Variants in CTNNA1 observed in about 807,000 individuals in gnomAD.
CTNNA1 encodes the protein catenin alpha 1.
A neutral mutation model predicts 98.4 loss-of-function variants in CTNNA1; 37 were observed. The observed-to-expected ratio is 0.38, with a 90% CI of 0.29 to 0.49. The LOEUF is 0.49. CTNNA1 is among the 20% of genes least tolerant of loss of function. The pLI is 0.95. For missense variants in CTNNA1, 761 were observed against 1,147.2 expected, an observed-to-expected ratio of 0.66 and a Z score of 4.86; for synonymous variants, 404 against 413.2, an observed-to-expected ratio of 0.98 and a Z score of 0.27.
chr5:138,784,687 A>G (rs1755483413), intron 3 of CTNNA1, among the ~76,000 whole-genome samples: 1 of 152,208 alleles, frequency 6.6e-6, no homozygotes, highest in Admixed American at 6.5e-5. Context: ...AAGGCCAGAA[A>G]TCTGAAATCA....
At chr5:138,855,557 A>G (rs904584282) in intron 7 of CTNNA1, among the ~76,000 whole-genome samples, 2 of 152,268 alleles carry the variant, frequency 1.3e-5, no homozygotes, top group African/African-American at 4.8e-5. Context: ...CTTCCTTTTA[A>G]AAAGCTTAGA....
At chr5:138,860,668 A>C (rs990080328) in intron 7 of CTNNA1, among the ~76,000 whole-genome samples, 1 of 151,400 alleles carries the variant, frequency 6.6e-6, no homozygotes, top group African/African-American at 2.4e-5. Context: ...GCTAGTTTTT[A>C]TATTTTTAGT....
chr5:138,911,241 C>CA (rs1005286590), intron 10 of CTNNA1, among the ~76,000 whole-genome samples: 1 of 151,914 alleles, frequency 6.6e-6, no homozygotes, highest in African/African-American at 2.4e-5. Context: ...GTCTCAAAAA[C>CA]AAAAAACCAA....
intron 1 of CTNNA1, among the ~76,000 whole-genome samples, chr5:138,770,919 C>T (rs1408500906): frequency 6.6e-6 from 1 of 151,142 alleles, no homozygotes; most frequent in Non-Finnish European, 1.5e-5. Flanking sequence ...GCCACTGCAC[C>T]CAGCTTGGGC....
rs146345011 is a variant in CTNNA1, at chr5:138,823,606, G to A, written c.589-924G>A. On this transcript the variant is annotated intron_variant, in intron 5 of 17. Coordinates refer to ENST00000302763, the MANE Select transcript of CTNNA1 (RefSeq NM_001903.5). ...CCTTGTGATATCCTCACCTATTTAT[G>A]TAGTTCATACATACCTGTGGCATCC... Among the ~76,000 whole-genome samples, 361 of 152,216 alleles carry A rather than the reference G, an allele frequency of 2.4e-3. 1 individual carries two copies. Among genetic ancestry groups the A allele is most frequent in the African/African-American group, 8.1e-3 (336 of 41,520 alleles).
chr5:138,897,817 C>T (rs1023574294), intron 9 of CTNNA1, among the ~76,000 whole-genome samples: 8 of 152,176 alleles, frequency 5.3e-5, no homozygotes, highest in Admixed American at 2.6e-4. Context: ...TTAACTACCT[C>T]GTCACATTAT....
chr5:138,808,064 A>G (rs970790986), intron 3 of CTNNA1, among the ~76,000 whole-genome samples: 2 of 152,128 alleles, frequency 1.3e-5, no homozygotes, highest in Non-Finnish European at 2.9e-5. Context: ...GACATTATTA[A>G]TATATTTTTA....
intron 7 of CTNNA1, chr5:138,869,520 AC>A (rs1765143148): frequency 6.6e-6 from 1 of 152,294 alleles, no homozygotes; most frequent in African/African-American, 2.4e-5. Flanking sequence ...ATATTCTTTA[AC>A]AAATTTTATA....
intron 3 of CTNNA1, among the ~76,000 whole-genome samples, chr5:138,804,565 C>T (rs1354110883): frequency 6.6e-6 from 1 of 152,218 alleles, no homozygotes. Flanking sequence ...GGGAACAATA[C>T]AGTATTCTTT....
rs1470021237 is a variant in CTNNA1 at position 138,760,142 on chromosome 5, C to T, written c.-3+6632C>T. ...CCTGAGTAGCTGGGATACAGGCATGCGCCACCATGCCTGGCTAATTTTGTT... is the reference window on the plus strand; with the variant it reads ...CCTGAGTAGCTGGGATACAGGCATGTGCCACCATGCCTGGCTAATTTTGTT... On this transcript the variant is annotated intron_variant, in intron 1 of 17. Coordinates refer to ENST00000302763, the MANE Select transcript of CTNNA1 (RefSeq NM_001903.5). Among the ~76,000 whole-genome samples the T allele has an allele frequency of 4.1e-5, 6 of 146,362 alleles. No individual in the cohort carries two copies. In the South Asian group the frequency reaches 1.1e-3, roughly 27 times the overall value.
intron 13 of CTNNA1, among the ~76,000 whole-genome samples, chr5:138,928,187 C>T (rs775404066): frequency 2.6e-5 from 4 of 152,218 alleles, no homozygotes; most frequent in Admixed American, 2.0e-4. Flanking sequence ...CTGGGCTGAG[C>T]GCCAACCCCA....
chr5:138,769,279 C>T (rs960169251), intron 1 of CTNNA1, among the ~76,000 whole-genome samples: 4 of 152,134 alleles, frequency 2.6e-5, no homozygotes, highest in Admixed American at 1.3e-4. Flanking sequence ...AACAAAAATA[C>T]CTCACTCTTC....
At chr5:138,866,760 G>GT (rs1461749811) in intron 7 of CTNNA1, among the ~76,000 whole-genome samples, 1 of 152,200 alleles carries the variant, frequency 6.6e-6, no homozygotes, top group Non-Finnish European at 1.5e-5. Flanking sequence ...AGAAGGGGAG[G>GT]TTTAAGATGT....
chr5:138,833,250 G>C (rs1761454784), intron 7 of CTNNA1, among the ~76,000 whole-genome samples: 1 of 152,198 alleles, frequency 6.6e-6, no homozygotes, highest in African/African-American at 2.4e-5. Flanking sequence ...GGTCGTGTTT[G>C]ACTGACTGGC....
At chr5:138,823,139 C>A (rs955436288) in intron 5 of CTNNA1, among the ~76,000 whole-genome samples, 2 of 152,198 alleles carry the variant, frequency 1.3e-5, no homozygotes, top group African/African-American at 2.4e-5. Context: ...CACCTGTATT[C>A]TTCTTCTGTG....
chr5:138,873,041 T>C lies in CTNNA1; in HGVS notation c.1063-13171T>C, dbSNP rs1317878696. The C allele has an allele frequency of 3.7e-6, 6 of 1,607,902 alleles. No individual in the cohort carries two copies. Among genetic ancestry groups the C allele is most frequent in the Non-Finnish European group, 5.1e-6 (6 of 1,177,028 alleles). On this transcript the variant is annotated intron_variant, in intron 7 of 17. Coordinates refer to ENST00000302763, the MANE Select transcript of CTNNA1 (RefSeq NM_001903.5). The surrounding 1 kb of genome is among the most constrained non-coding windows in gnomAD (Gnocchi z 6.1). ...TTCACATTCTTTGTATGGCAGCTGC[T>C]GACACTTGCACTGTCCATAACCATT...
At position 138,887,528 on chromosome 5, in the gene CTNNA1, C is replaced by T; in HGVS notation, c.1182C>T (p.Phe394=). 1 of 1,609,996 alleles carries T rather than the reference C, an allele frequency of 6.2e-7. No individual in the cohort carries two copies. Among genetic ancestry groups the T allele is most frequent in the Non-Finnish European group, 8.5e-7 (1 of 1,178,040 alleles). ...TCATGGACCACGTTTCAGATTCTTT[C>T]CTGGAAACCAATGTTCCACTTTTGG... ...KAVMDHVSDS[F]LETNVPLLVL... The change falls in exon 9 of 18, where the codon TTC becomes TTT. Residue 394 remains phenylalanine, a synonymous_variant. Transcript: ENST00000302763.
At chr5:138,903,751 A>G (rs915285018) in intron 9 of CTNNA1, among the ~76,000 whole-genome samples, 9 of 152,246 alleles carry the variant, frequency 5.9e-5, no homozygotes, top group African/African-American at 1.2e-4. Context: ...GCTTTTAACT[A>G]TGAAACATAA....
chr5:138,820,699 A>T lies in CTNNA1; in HGVS notation c.589-3831A>T, dbSNP rs759357212. Among the ~76,000 whole-genome samples the T allele has an allele frequency of 2.0e-5, 3 of 151,120 alleles. No homozygotes were observed. In the South Asian group the frequency reaches 6.4e-4, roughly 32 times the overall value. On this transcript the variant is annotated intron_variant, in intron 5 of 17. Coordinates refer to ENST00000302763, the MANE Select transcript of CTNNA1 (RefSeq NM_001903.5). ...TGCGCTTTGGCACTCTATCTCAATT[A>T]TTTTTATTAAAATGTAGTTGTTTAG...
Sources: gnomAD v4.1 joint callset for allele counts (sites outside exome capture counted in the v4.1 genomes callset) on GRCh38, gnomAD v4.1.1 for gene constraint, Gnocchi (gnomAD v3.1) non-coding constraint, MANE v1.5 for transcripts, NCBI Gene and HGNC (gene_info 2026-07-23, HGNC 2026-07-21) for gene names.